Variants in CHRNA7 observed in about 807,000 individuals in gnomAD.
CHRNA7 encodes cholinergic receptor nicotinic alpha 7 subunit.
In CHRNA7, 17 loss-of-function variants were observed where a neutral mutation model predicts 48.0. The ratio of observed to expected loss-of-function variants is 0.35; its 90% CI spans 0.24 to 0.53. The LOEUF (loss-of-function observed/expected upper bound fraction) is 0.53, where lower values mean the gene tolerates loss of function less well. CHRNA7 is among the 20% of genes least tolerant of loss of function. The pLI, the probability that CHRNA7 is intolerant of heterozygous loss-of-function variation, is 0.92. For synonymous variants in CHRNA7, 75 were observed against 242.3 expected, an observed-to-expected ratio of 0.31 and a Z score of 6.41; for missense variants, 155 against 577.7, an observed-to-expected ratio of 0.27 and a Z score of 7.50.
intron 4 of CHRNA7, among the ~76,000 whole-genome samples, chr15:32,135,880 C>T (rs751219458): frequency 3.3e-5 from 5 of 152,134 alleles, no homozygotes; most frequent in Non-Finnish European, 7.4e-5. Context: ...GACTGCAGAC[C>T]TTTTAAAGGC....
chr15:32,044,253 C>CTTCCTTCCTTCCT (rs1555373125), intron 2 of CHRNA7, among the ~76,000 whole-genome samples: 1 of 140,918 alleles, frequency 7.1e-6, no homozygotes, highest in African/African-American at 2.7e-5. Context: ...CGATCTTTTC[C>CTTCCTTCCTTCCT]TCCTTCCTTC....
At chr15:32,119,395 C>G (rs561581497) in intron 4 of CHRNA7, among the ~76,000 whole-genome samples, 3 of 152,352 alleles carry the variant, frequency 2.0e-5, no homozygotes, top group South Asian at 2.1e-4. Flanking sequence ...TTTAAAAAAT[C>G]CATCAATTGC....
intron 5 of CHRNA7, among the ~76,000 whole-genome samples, chr15:32,155,574 CG>C (rs2051723268): frequency 1.2e-5 from 1 of 83,800 alleles, no homozygotes; most frequent in African/African-American, 4.9e-5. Flanking sequence ...AAACAGCCTC[CG>C]GTAGTCACCA....
At chr15:32,126,725 T>A (rs2051073033) in intron 4 of CHRNA7, among the ~76,000 whole-genome samples, 1 of 152,192 alleles carries the variant, frequency 6.6e-6, no homozygotes. Flanking sequence ...ATTGTTGGAT[T>A]TAGTATGTTT....
At position 32,149,063 on chromosome 15, in the gene CHRNA7, A is replaced by C. The variant is rs1156300083; in HGVS notation, c.351-4844A>C. On this transcript the variant is annotated intron_variant, in intron 4 of 9. Transcript: ENST00000306901. This position sits in a 1 kb window ranked among gnomAD's most constrained non-coding sequence, Gnocchi z 4.6. ...CTCACACCAAGAGTGGGCCCCAGTCATTGCTGGCTGGGGGAGGACAAAGGC... is the reference window on the plus strand; with the variant it reads ...CTCACACCAAGAGTGGGCCCCAGTCCTTGCTGGCTGGGGGAGGACAAAGGC... Among the ~76,000 whole-genome samples, 1 of 152,152 alleles carries C rather than the reference A, an allele frequency of 6.6e-6. No individual in the cohort carries two copies. Among genetic ancestry groups the C allele is most frequent in the Non-Finnish European group, 1.5e-5 (1 of 68,018 alleles).
At chr15:32,053,197 T>G (rs1404382748) in intron 2 of CHRNA7, among the ~76,000 whole-genome samples, 1 of 152,178 alleles carries the variant, frequency 6.6e-6, no homozygotes, top group Non-Finnish European at 1.5e-5. Context: ...AAAGGAATCT[T>G]TCTTGTAAAT....
intron 2 of CHRNA7, chr15:32,098,683 G>A (rs1273861526): frequency 2.0e-5 from 3 of 152,210 alleles, no homozygotes; most frequent in Non-Finnish European, 4.4e-5. Flanking sequence ...GATCACAGGT[G>A]GTTAAAGCAG....
intron 2 of CHRNA7, among the ~76,000 whole-genome samples, chr15:32,077,251 A>G (rs914494536): frequency 2.0e-5 from 3 of 152,156 alleles, no homozygotes; most frequent in Admixed American, 1.3e-4. Context: ...TAAAGCTTCT[A>G]TAAACATCTG....
intron 2 of CHRNA7, among the ~76,000 whole-genome samples, chr15:32,045,842 C>T: frequency 7.5e-6 from 1 of 133,588 alleles, no homozygotes; most frequent in African/African-American, 2.8e-5. Context: ...CAACAGTCCC[C>T]AGAGTGTGAT....
intron 4 of CHRNA7, among the ~76,000 whole-genome samples, chr15:32,138,470 C>A (rs1039263253): frequency 5.3e-5 from 8 of 151,730 alleles, no homozygotes; most frequent in Non-Finnish European, 2.9e-5. Context: ...CAGCCTCCCC[C>A]ATCATCAACA....
chr15:32,062,184 A>T (rs938694789), intron 2 of CHRNA7, among the ~76,000 whole-genome samples: 1 of 152,210 alleles, frequency 6.6e-6, no homozygotes, highest in African/African-American at 2.4e-5. Flanking sequence ...TCTGTTGAAC[A>T]ATGGAGAACC....
At chr15:32,034,220 A>C (rs1401931959) in intron 2 of CHRNA7, among the ~76,000 whole-genome samples, 2 of 152,228 alleles carry the variant, frequency 1.3e-5, no homozygotes. Flanking sequence ...TGCCACTGAA[A>C]GTAGGAAATC....
chr15:32,150,974 A>G (rs532675106), intron 4 of CHRNA7, among the ~76,000 whole-genome samples: 3 of 152,198 alleles, frequency 2.0e-5, no homozygotes, highest in South Asian at 4.1e-4. Flanking sequence ...TTTCATGACA[A>G]CTTGGCTCTC....
At chr15:32,135,334 C>G (rs953911561) in intron 4 of CHRNA7, among the ~76,000 whole-genome samples, 1 of 152,182 alleles carries the variant, frequency 6.6e-6, no homozygotes, top group Non-Finnish European at 1.5e-5. Context: ...ACTCATATCA[C>G]ATGAGGAAAC....
intron 2 of CHRNA7, among the ~76,000 whole-genome samples, chr15:32,048,839 G>C (rs184691367): frequency 1.7e-3 from 257 of 151,790 alleles, no homozygotes; most frequent in African/African-American, 6.0e-3. Flanking sequence ...ACACTGCTTT[G>C]AATGCATCCC....
At chr15:32,136,476 T>G (rs1595487146) in intron 4 of CHRNA7, among the ~76,000 whole-genome samples, 1 of 139,392 alleles carries the variant, frequency 7.2e-6, no homozygotes, top group African/African-American at 2.7e-5. Context: ...GGAACCTGAG[T>G]GACAGAGCAA....
In CHRNA7 at chr15:32,087,498, C is replaced by T. The variant is rs147994541; in HGVS notation, c.196-13805C>T. Among the ~76,000 whole-genome samples the T allele has an allele frequency of 3.8e-3, 571 of 152,068 alleles. 3 individuals carry two copies. Among genetic ancestry groups the T allele is most frequent in the African/African-American group, 0.013 (535 of 41,482 alleles). On this transcript the variant is annotated intron_variant, in intron 2 of 9. Transcript: ENST00000306901. ...CTAGGTGGGTTCATTGCCATTGGGG[C>T]GTCATCATTTCTAGGCCCTTTCTGA...
intron 3 of CHRNA7, among the ~76,000 whole-genome samples, chr15:32,108,592 G>GC (rs2050710618): frequency 6.6e-6 from 1 of 152,110 alleles, no homozygotes; most frequent in African/African-American, 2.4e-5. Context: ...TGCTGGTGGG[G>GC]CCCCCGGGCT....
intron 4 of CHRNA7, among the ~76,000 whole-genome samples, chr15:32,144,803 G>C (rs2051453671): frequency 6.6e-6 from 1 of 152,096 alleles, no homozygotes; most frequent in Non-Finnish European, 1.5e-5. Context: ...ATTCATTCTA[G>C]TTAGCCATTC....
Sources: allele counts gnomAD v4.1 joint callset (sites outside exome capture counted in the v4.1 genomes callset), GRCh38; gene constraint gnomAD v4.1.1; non-coding constraint Gnocchi (gnomAD v3.1); transcripts MANE v1.5; gene names NCBI Gene and HGNC (gene_info 2026-07-23, HGNC 2026-07-21).